Variants in GPHN observed in about 807,000 individuals in gnomAD.
GPHN encodes gephyrin.
Under a neutral mutation model 95.5 loss-of-function variants are expected in GPHN, and 17 were observed. That is an observed-to-expected ratio of 0.18 (90% CI 0.12 to 0.27). The LOEUF (loss-of-function observed/expected upper bound fraction) is 0.27, where lower values mean the gene tolerates loss of function less well. GPHN is among the 10% of genes least tolerant of loss of function. The probability of loss-of-function intolerance (pLI) is 1.00; values close to 1 mark genes in which losing one functional copy is unlikely to be tolerated. For synonymous variants in GPHN, 320 were observed against 322.5 expected (o/e 0.99, Z 0.08); for missense variants, 660 against 978.1 (o/e 0.67, Z 4.34).
At chr14:67,183,240 G>T (rs1456400099), downstream of GPHN, among the ~76,000 whole-genome samples, 1 of 152,136 alleles carries the variant, frequency 6.6e-6, no homozygotes, top group Non-Finnish European at 1.5e-5. Context: ...CAAAGGTAGA[G>T]ATTTTTGTTT....
At chr14:67,235,132 G>T in the GPHN span, among the ~76,000 whole-genome samples, 3 of 146,700 alleles carry the variant, frequency 2.0e-5, no homozygotes, top group African/African-American at 7.8e-5. Flanking sequence ...TGCCAGCCTG[G>T]GTGACAAGAG....
chr14:66,593,032 G>T (rs1229132788), intron 1 of GPHN, among the ~76,000 whole-genome samples: 1 of 152,138 alleles, frequency 6.6e-6, no homozygotes, highest in Non-Finnish European at 1.5e-5. Flanking sequence ...ATCATTCTCA[G>T]ATAACTAACA....
the GPHN span, chr14:67,592,755 A>G: frequency 8.2e-7 from 1 of 1,223,450 alleles, no homozygotes; most frequent in Non-Finnish European, 1.2e-6. Context: ...AGTCTAAGTG[A>G]AACTCATTTT....
chr14:67,408,147 G>A, the GPHN span, among the ~76,000 whole-genome samples: 9 of 151,924 alleles, frequency 5.9e-5, no homozygotes, highest in South Asian at 1.2e-3. Flanking sequence ...TTAACCGGGC[G>A]TGGTGGTGCA....
At chr14:67,300,597 G>A in the GPHN span, among the ~76,000 whole-genome samples, 13 of 152,146 alleles carry the variant, frequency 8.5e-5, no homozygotes, top group East Asian at 2.3e-3. Flanking sequence ...CAAAGTGCTG[G>A]GATTACTGGT....
At chr14:67,088,301 G>C (rs751093889) in intron 11 of GPHN, among the ~76,000 whole-genome samples, 9 of 151,946 alleles carry the variant, frequency 5.9e-5, no homozygotes, top group Non-Finnish European at 1.0e-4. Context: ...AGTAATAAAT[G>C]CTTTATATTT....
intron 1 of GPHN, among the ~76,000 whole-genome samples, chr14:66,635,264 A>C (rs1174610145): frequency 6.6e-6 from 1 of 152,188 alleles, no homozygotes; most frequent in Non-Finnish European, 1.5e-5. Flanking sequence ...ATTGGTCAAA[A>C]GAGGTCATAG....
At chr14:67,292,849 ATGTAT>A in the GPHN span, 1,831 of 694,548 alleles carry the variant, frequency 2.6e-3, 55 homozygotes, top group East Asian at 0.049. Flanking sequence ...CATGTTAATA[ATGTAT>A]TGTGACAGTT....
intron 18 of GPHN, among the ~76,000 whole-genome samples, chr14:67,153,616 T>A (rs2081412146): frequency 6.6e-6 from 1 of 152,208 alleles, no homozygotes; most frequent in South Asian, 2.1e-4. Flanking sequence ...GCATTTACTC[T>A]CAGTTTTATT....
the GPHN span, chr14:67,473,566 A>T: frequency 6.2e-7 from 1 of 1,613,102 alleles, no homozygotes; most frequent in East Asian, 2.2e-5. The surrounding 1 kb of genome is among the most constrained non-coding windows in gnomAD (Gnocchi z 6.5). Flanking sequence ...GGCACGGCGT[A>T]CTCCAGGGTG....
At chr14:67,530,404 T>C in the GPHN span, among the ~76,000 whole-genome samples, 1 of 152,156 alleles carries the variant, frequency 6.6e-6, no homozygotes, top group Non-Finnish European at 1.5e-5. Context: ...AAGTTCCCCT[T>C]TCCCTCCCAT....
the GPHN span, among the ~76,000 whole-genome samples, chr14:67,213,095 G>GT: frequency 0.039 from 5,239 of 135,612 alleles, 117 homozygotes; most frequent in African/African-American, 0.044. Context: ...ATTCTGTGGT[G>GT]TTTTTTTTTT....
rs569241088 is a variant in GPHN, at chr14:66,697,124, C to T, written c.143+15939C>T. ...TATATTTGTCCCTCACAGGAATCCACATCTTCACCTCATCTTTTAATAAGT... is the reference window on the plus strand; with the variant it reads ...TATATTTGTCCCTCACAGGAATCCATATCTTCACCTCATCTTTTAATAAGT... On this transcript the variant is annotated intron_variant, in intron 2 of 22. Coordinates refer to ENST00000478722, the MANE Select transcript of GPHN (RefSeq NM_020806.5). Among the ~76,000 whole-genome samples the T allele has an allele frequency of 3.3e-5, 5 of 152,316 alleles. No individual in the cohort carries two copies. In the East Asian group the frequency reaches 9.6e-4, roughly 29 times the overall value.
chr14:66,908,432 A>G (rs368342645), intron 5 of GPHN, among the ~76,000 whole-genome samples: 10 of 152,282 alleles, frequency 6.6e-5, no homozygotes, highest in African/African-American at 1.7e-4. Flanking sequence ...ATAAACATCC[A>G]TGACTCCATG....
the GPHN span, among the ~76,000 whole-genome samples, chr14:67,331,046 ATTTC>A: frequency 3.3e-5 from 5 of 151,060 alleles, no homozygotes; most frequent in South Asian, 2.1e-4. Flanking sequence ...CTCCTGTGAT[ATTTC>A]TTTCTTTTTT....
the GPHN span, among the ~76,000 whole-genome samples, chr14:67,519,343 C>A: frequency 1.3e-5 from 2 of 152,222 alleles, no homozygotes; most frequent in Non-Finnish European, 2.9e-5. Context: ...CTCGAAAGGA[C>A]TAGCACAGCA....
At chr14:66,813,680 C>T (rs1172953647) in intron 3 of GPHN, among the ~76,000 whole-genome samples, 1 of 152,190 alleles carries the variant, frequency 6.6e-6, no homozygotes. Flanking sequence ...TGGAGCATGG[C>T]CAGGGACAGC....
chr14:67,636,153 C>T, the GPHN span, among the ~76,000 whole-genome samples: 2 of 152,102 alleles, frequency 1.3e-5, no homozygotes, highest in African/African-American at 2.4e-5. Flanking sequence ...GCTCAGCAGA[C>T]CCTCCTGTGT....
At chr14:66,666,744 C>CT (rs1204622084) in intron 1 of GPHN, among the ~76,000 whole-genome samples, 3 of 152,206 alleles carry the variant, frequency 2.0e-5, no homozygotes, top group Non-Finnish European at 4.4e-5. Flanking sequence ...GACGCCCTCT[C>CT]TCACCGCTCC....
Sources: gnomAD v4.1 joint callset for allele counts (sites outside exome capture counted in the v4.1 genomes callset) on GRCh38, gnomAD v4.1.1 for gene constraint, Gnocchi (gnomAD v3.1) non-coding constraint, MANE v1.5 for transcripts, NCBI Gene and HGNC (gene_info 2026-07-23, HGNC 2026-07-21) for gene names.